Variants in FBXO21 observed in about 807,000 individuals in gnomAD.
FBXO21 encodes F-box only protein 21.
In FBXO21, 32 loss-of-function variants were observed where a neutral mutation model predicts 76.6. That is an observed-to-expected ratio of 0.42 (90% CI 0.32 to 0.56). The LOEUF (loss-of-function observed/expected upper bound fraction) is 0.56. Among genes scored for constraint, FBXO21 ranks in the 20% least tolerant of loss-of-function variants. FBXO21 has a pLI of 0.16. For synonymous variants in FBXO21, 328 were observed against 311.5 expected, an observed-to-expected ratio of 1.05 and a Z score of -0.56; for missense variants, 586 against 797.3, an observed-to-expected ratio of 0.73 and a Z score of 3.19.
At chr12:117,146,563 C>G (rs976716956) in intron 11 of FBXO21, among the ~76,000 whole-genome samples, 6 of 152,204 alleles carry the variant, frequency 3.9e-5, no homozygotes, top group Admixed American at 6.5e-5. Context: ...CCAAAGGTCT[C>G]TTGGGGACTG....
chr12:117,171,090 G>A (rs530899331), intron 7 of FBXO21, among the ~76,000 whole-genome samples: 4 of 152,140 alleles, frequency 2.6e-5, no homozygotes, highest in South Asian at 2.1e-4. Context: ...ACAGCCAGGC[G>A]CGGTGGCTCA....
At chr12:117,183,195 A>G (rs1956252007) in intron 3 of FBXO21, among the ~76,000 whole-genome samples, 1 of 151,740 alleles carries the variant, frequency 6.6e-6, no homozygotes, top group African/African-American at 2.4e-5. Flanking sequence ...CTAGCTATGC[A>G]TTTTCATCTT....
chr12:117,175,287 G>A (rs1218764267), intron 4 of FBXO21, among the ~76,000 whole-genome samples: 1 of 152,178 alleles, frequency 6.6e-6, no homozygotes, highest in Non-Finnish European at 1.5e-5. Context: ...AGGGTGAACA[G>A]TAAATGGATT....
intron 9 of FBXO21, among the ~76,000 whole-genome samples, chr12:117,161,948 G>C (rs1261423959): frequency 6.6e-6 from 1 of 152,180 alleles, no homozygotes; most frequent in African/African-American, 2.4e-5. Context: ...TTATCAACGA[G>C]GAGAATGGTT....
intron 7 of FBXO21, among the ~76,000 whole-genome samples, chr12:117,171,386 T>G (rs1013515100): frequency 2.8e-5 from 3 of 106,308 alleles, no homozygotes; most frequent in Non-Finnish European, 6.1e-5. Flanking sequence ...AAAAAAGAAA[T>G]AACAAACACT....
intron 6 of FBXO21, among the ~76,000 whole-genome samples, chr12:117,172,912 T>C (rs1956132287): frequency 6.6e-6 from 1 of 152,240 alleles, no homozygotes; most frequent in Admixed American, 6.5e-5. Context: ...AATGTCCATA[T>C]ATACAGTTTT....
intron 9 of FBXO21, among the ~76,000 whole-genome samples, chr12:117,159,960 A>G (rs1462033048): frequency 6.6e-6 from 1 of 152,202 alleles, no homozygotes; most frequent in Non-Finnish European, 1.5e-5. Context: ...ATTTGCAGAC[A>G]GTGTTGACCC....
rs1407319094 is a variant in FBXO21, at chr12:117,152,539, A to T, written c.1675+3252T>A. The stretch of plus-strand genomic sequence containing the variant: ...AAAGTCATATGAAAAAGGGGGGAAA[A>T]AAAATGAAGAATGAGGAACTGTCTT... On this transcript the variant is annotated intron_variant, in intron 11 of 11. Transcript: ENST00000622495. Among the ~76,000 whole-genome samples the T allele has an allele frequency of 6.7e-4, 102 of 151,294 alleles. 3 individuals are homozygous for T. The Admixed American group carries it at 6.8e-3, about 10-fold the overall frequency.
chr12:117,178,365 C>G (rs1164472261), intron 3 of FBXO21, among the ~76,000 whole-genome samples: 1 of 152,134 alleles, frequency 6.6e-6, no homozygotes, highest in African/African-American at 2.4e-5. Flanking sequence ...TGTGTTGCAG[C>G]AACATCCTCC....
chr12:117,165,544 C>T lies in FBXO21; in HGVS notation c.1267G>A (p.Val423Met). ...DLYLAMYPDQ[V>M]QLLLLQARLY... is the part of the protein sequence containing the mutation. ...CTGGCTTGGAGGAGGAGAAGCTGCA[C>T]CTGGTCCGGGTACATTGCCAGATAG... The change falls in exon 9 of 12, where the codon GTG (valine) becomes ATG (methionine). Residue 423 changes from valine to methionine, a missense_variant. By Grantham distance (21) the Val-to-Met change is conservative (BLOSUM62 1). This residue lies in a region of FBXO21 where 14 missense variants were observed against 18.3 expected (regional missense o/e 0.76). Transcript: ENST00000622495. 1.9e-6 allele frequency: 3 copies of T among 1,613,990 alleles called. No homozygotes were observed. Among genetic ancestry groups the T allele is most frequent in the Non-Finnish European group, 2.5e-6 (3 of 1,179,918 alleles).
chr12:117,160,655 A>G (rs905644219), intron 9 of FBXO21, among the ~76,000 whole-genome samples: 2 of 152,080 alleles, frequency 1.3e-5, no homozygotes, highest in Non-Finnish European at 1.5e-5. Flanking sequence ...ACAGGGTCTC[A>G]CCCTGTCACC....
At chr12:117,156,422 A>G (rs1167792000) in intron 10 of FBXO21, among the ~76,000 whole-genome samples, 1 of 152,240 alleles carries the variant, frequency 6.6e-6, no homozygotes, top group East Asian at 1.9e-4. Flanking sequence ...TAAAAATATG[A>G]GACAACTGGG....
chr12:117,157,705 GA>G (rs138775867), intron 10 of FBXO21, among the ~76,000 whole-genome samples, 167 bp downstream of exon 10: 2 of 150,994 alleles, frequency 1.3e-5, no homozygotes, highest in South Asian at 2.1e-4. Context: ...GGTTCAAAAA[GA>G]AAAAAAAAGA....
intron 2 of FBXO21, among the ~76,000 whole-genome samples, chr12:117,187,809 T>A (rs1315127477): frequency 6.6e-6 from 1 of 152,216 alleles, no homozygotes; most frequent in Non-Finnish European, 1.5e-5. Flanking sequence ...TACCAAAATC[T>A]ACGTATGTGC....
intron 9 of FBXO21, among the ~76,000 whole-genome samples, chr12:117,165,212 G>T (rs182605405): frequency 1.3e-5 from 2 of 152,210 alleles, no homozygotes; most frequent in East Asian, 3.9e-4. Context: ...ACGATCTGAG[G>T]GCCCCAGTGG....
At chr12:117,180,146 GCAC>G (rs78702919) in intron 3 of FBXO21, among the ~76,000 whole-genome samples, 30,107 of 151,928 alleles carry the variant, frequency 0.2, 3,319 homozygotes, top group East Asian at 0.42. Flanking sequence ...TTTCCAGGAT[GCAC>G]CACCAGGCTC....
Position 117,172,581 on chromosome 12 carries a change from T to C in FBXO21, c.903A>G (p.Pro301=). ...TCAAATAGAGCAGAGACATGCTGAT[T>C]GGGATTCCTGTTCTGCGAATCAAAA... ...HQVLIRRTGI[P]ISMSLLYLTI... The change falls in exon 7 of 12, where the codon CCA becomes CCG. Residue 301 remains proline, a synonymous_variant. Transcript: ENST00000622495. 1 of 1,613,448 alleles carries C rather than the reference T, an allele frequency of 6.2e-7. No homozygotes were observed. Among genetic ancestry groups the C allele is most frequent in the Non-Finnish European group, 8.5e-7 (1 of 1,179,388 alleles).
At chr12:117,152,955 C>T (rs1353266806) in intron 11 of FBXO21, among the ~76,000 whole-genome samples, 2 of 151,950 alleles carry the variant, frequency 1.3e-5, no homozygotes, top group South Asian at 2.1e-4. Flanking sequence ...AGAAGATGAA[C>T]GGAAGTGGGC....
At chr12:117,152,535 G>GA (rs144311427) in intron 11 of FBXO21, among the ~76,000 whole-genome samples, 1 of 150,604 alleles carries the variant, frequency 6.6e-6, no homozygotes, top group African/African-American at 2.4e-5. Context: ...AAAAAGGGGG[G>GA]AAAAAAAATG....
Sources: gnomAD v4.1 joint callset for allele counts (sites outside exome capture counted in the v4.1 genomes callset) on GRCh38, gnomAD v4.1.1 for gene constraint, gnomAD v4.1.1 regional missense constraint, MANE v1.5 for transcripts, NCBI Gene and HGNC (gene_info 2026-07-23, HGNC 2026-07-21) for gene names.